CAT: variants seen among roughly 807,000 people sequenced by gnomAD.
The protein encoded by CAT is epididymis secretory sperm binding protein.
CAT carries 43 observed loss-of-function variants against 59.0 expected under a neutral mutation model. The observed-to-expected ratio is 0.73, with a 90% CI of 0.57 to 0.94. The LOEUF (loss-of-function observed/expected upper bound fraction) is 0.94, where lower values mean the gene tolerates loss of function less well. Ranked by LOEUF, CAT falls within the 40% of genes least tolerant of loss-of-function variation. CAT has a pLI of 0.00. For synonymous variants in CAT, 218 were observed against 230.9 expected, an observed-to-expected ratio of 0.94 and a Z score of 0.51; for missense variants, 664 against 682.9, an observed-to-expected ratio of 0.97 and a Z score of 0.31.
intron 1 of CAT, among the ~76,000 whole-genome samples, chr11:34,444,160 G>C (rs1195104463): frequency 6.6e-6 from 1 of 152,082 alleles, no homozygotes; most frequent in Non-Finnish European, 1.5e-5. Flanking sequence ...CTTGCGTGTT[G>C]GCGAGACAAG....
intron 8 of CAT, among the ~76,000 whole-genome samples, chr11:34,458,983 T>TAAATTC (rs1856620226): frequency 6.6e-6 from 1 of 152,214 alleles, no homozygotes; most frequent in African/African-American, 2.4e-5. Context: ...ATATCTATTT[T>TAAATTC]AAATTCAGTG....
intron 1 of CAT, among the ~76,000 whole-genome samples, chr11:34,448,560 C>G (rs1051770544): frequency 3.3e-5 from 5 of 152,132 alleles, no homozygotes; most frequent in Non-Finnish European, 1.5e-5. Context: ...AGTAAAATAA[C>G]CTATCCCATT....
chr11:34,463,186 A>G (rs1856670688), intron 9 of CAT, among the ~76,000 whole-genome samples: 1 of 152,212 alleles, frequency 6.6e-6, no homozygotes, highest in Non-Finnish European at 1.5e-5. Context: ...TGCTCGGGTA[A>G]TGAAAGCTTC....
intron 11 of CAT, 190 bp downstream of exon 11, chr11:34,468,585 A>G (rs530344836): frequency 1.4e-5 from 9 of 629,310 alleles, no homozygotes; most frequent in Admixed American, 7.8e-5. Flanking sequence ...CTGGTCTGGC[A>G]TATCCATCGT....
intron 9 of CAT, among the ~76,000 whole-genome samples, chr11:34,462,876 G>A (rs1202182458): frequency 1.3e-5 from 2 of 152,224 alleles, no homozygotes; most frequent in Non-Finnish European, 2.9e-5. Flanking sequence ...ACATTTCAAA[G>A]AGCTAGTTCT....
intron 1 of CAT, among the ~76,000 whole-genome samples, chr11:34,447,467 A>ACACG (rs1431087698): frequency 6.6e-6 from 1 of 152,182 alleles, no homozygotes; most frequent in Non-Finnish European, 1.5e-5. Context: ...ACAGAGGGTA[A>ACACG]CACGTATTAG....
At chr11:34,448,457 A>G (rs1440754956) in intron 1 of CAT, among the ~76,000 whole-genome samples, 1 of 152,232 alleles carries the variant, frequency 6.6e-6, no homozygotes, top group Non-Finnish European at 1.5e-5. Flanking sequence ...GGCTAGAAGA[A>G]TGCCGCTCTA....
At chr11:34,445,625 G>C (rs752343218) in intron 1 of CAT, among the ~76,000 whole-genome samples, 6 of 151,886 alleles carry the variant, frequency 4.0e-5, no homozygotes, top group African/African-American at 1.5e-4. Context: ...AGGGTAGAGA[G>C]AGCAGTTCAG....
intron 11 of CAT, among the ~76,000 whole-genome samples, chr11:34,469,806 C>T (rs1856755713): frequency 6.6e-6 from 1 of 152,064 alleles, no homozygotes; most frequent in African/African-American, 2.4e-5. Context: ...GCTTGGACTA[C>T]AGGCATGCCC....
chr11:34,439,202 G>T lies in CAT; in HGVS notation c.66+123G>T, dbSNP rs1195883618. 68 of 918,490 alleles carry T rather than the reference G, an allele frequency of 7.4e-5. 2 individuals are homozygous for T. The South Asian group carries it at 9.2e-4, about 12-fold the overall frequency. The allele number at this position is 918,490 out of a possible 1,614,324, so 56.9% of individuals were successfully genotyped here. A position where few individuals can be genotyped will look rare whatever the true frequency, so the allele number is the denominator to read the frequency against. On this transcript the variant is annotated intron_variant, in intron 1 of 12. Coordinates refer to ENST00000241052, the MANE Select transcript of CAT (RefSeq NM_001752.4). ...GGACTGTACCGCGGCTCACTGGGCA[G>T]GGGGGATCCCCTTCGGTGCAGACGG...
At chr11:34,450,503 C>T (rs746707472) in intron 2 of CAT, among the ~76,000 whole-genome samples, 5 of 152,214 alleles carry the variant, frequency 3.3e-5, no homozygotes, top group Non-Finnish European at 7.3e-5. Context: ...ATTTCTTCAT[C>T]TCTTCTTCCT....
chr11:34,470,665 A>C, intron 11 of CAT: 3 of 414,476 alleles, frequency 7.2e-6, no homozygotes, highest in Non-Finnish European at 9.1e-6. Context: ...AAGACCAAAT[A>C]GTATTTTTAA....
intron 2 of CAT, among the ~76,000 whole-genome samples, chr11:34,450,165 T>C (rs1856506462): frequency 1.3e-5 from 2 of 152,184 alleles, no homozygotes; most frequent in African/African-American, 4.8e-5. Context: ...AACAAAACAA[T>C]GTTGTTTGAG....
chr11:34,457,606 A>G (rs1042743965), intron 8 of CAT, among the ~76,000 whole-genome samples: 1 of 152,248 alleles, frequency 6.6e-6, no homozygotes, highest in African/African-American at 2.4e-5. Flanking sequence ...TGATAAAAGC[A>G]GTGGATTAAC....
intron 1 of CAT, among the ~76,000 whole-genome samples, chr11:34,440,578 T>A (rs1856377108): frequency 6.6e-6 from 1 of 151,884 alleles, no homozygotes; most frequent in South Asian, 2.1e-4. Context: ...TTTTTTTTTT[T>A]TTGAGACGGA....
rs1856779547 is a variant in CAT at position 34,472,050 on chromosome 11, A to AT, written c.*617_*618insT. 6.5e-6 allele frequency: 1 copy of AT among 154,496 alleles called. No homozygotes were observed. The highest frequency in any genetic ancestry group is 1.4e-5 in the Non-Finnish European group (1 of 69,450). 9.6% of individuals were successfully genotyped at this position (154,496 alleles called of 1,614,324 possible). A position where few individuals can be genotyped will look rare whatever the true frequency, so the allele number is the denominator to read the frequency against. On this transcript the variant is annotated 3_prime_UTR_variant, in exon 13 of 13. Transcript: ENST00000241052. ...TACATTTTTACAATAAATAATCTGT[A>AT]CGTAAGAACAGAGATGGTATTTTCT...
chr11:34,455,790 G>A (rs950932534), intron 6 of CAT, among the ~76,000 whole-genome samples: 6 of 152,178 alleles, frequency 3.9e-5, no homozygotes, highest in Non-Finnish European at 8.8e-5. Flanking sequence ...AATATGAAAT[G>A]TGTAGATGGG....
Position 34,471,660 on chromosome 11 carries a change from G to A in CAT, c.*227G>A, listed in dbSNP as rs1232847815. Reference sequence around the variant, plus strand: ...ATTTAAAAAAAAAATTTGTTTTGACGGATGATTGGATTATTCATTTAAAAT... The same window carrying A: ...ATTTAAAAAAAAAATTTGTTTTGACAGATGATTGGATTATTCATTTAAAAT... On this transcript the variant is annotated 3_prime_UTR_variant, in exon 13 of 13. Coordinates refer to ENST00000241052, the MANE Select transcript of CAT (RefSeq NM_001752.4). 9 of 545,788 alleles carry A rather than the reference G, an allele frequency of 1.6e-5. No individual in the cohort carries two copies. Among genetic ancestry groups the A allele is most frequent in the Admixed American group, 6.2e-5 (2 of 32,088 alleles). 33.8% of individuals were successfully genotyped at this position (545,788 alleles called of 1,614,324 possible). A position where few individuals can be genotyped will look rare whatever the true frequency, so the allele number is the denominator to read the frequency against.
intron 8 of CAT, among the ~76,000 whole-genome samples, chr11:34,458,434 A>G (rs1386361276): frequency 6.6e-6 from 1 of 152,214 alleles, no homozygotes; most frequent in African/African-American, 2.4e-5. Context: ...AAAAGCGACA[A>G]CTAGGGATTG....
Sources: gnomAD v4.1 joint callset for allele counts (sites outside exome capture counted in the v4.1 genomes callset) on GRCh38, gnomAD v4.1.1 for gene constraint, MANE v1.5 for transcripts, NCBI Gene and HGNC (gene_info 2026-07-23, HGNC 2026-07-21) for gene names.